Variants in TMEM132D observed in about 807,000 individuals in gnomAD.
TMEM132D encodes the protein transmembrane protein 132D.
TMEM132D carries 21 observed loss-of-function variants against 62.3 expected under a neutral mutation model. The ratio of observed to expected loss-of-function variants is 0.34; its 90% confidence interval spans 0.24 to 0.49. The LOEUF (loss-of-function observed/expected upper bound fraction) is 0.49. Among genes scored for constraint, TMEM132D ranks in the 20% least tolerant of loss-of-function variants. The pLI is 0.99. For missense variants in TMEM132D, 1,346 were observed against 1,402.8 expected, an observed-to-expected ratio of 0.96 and a Z score of 0.65; for synonymous variants, 621 against 575.6, an observed-to-expected ratio of 1.08 and a Z score of -1.13.
intron 4 of TMEM132D, among the ~76,000 whole-genome samples, chr12:129,289,566 A>AAAAAAAAAAAAAAG (rs1566023043): frequency 5.5e-5 from 8 of 144,724 alleles, no homozygotes; most frequent in East Asian, 2.2e-4. Flanking sequence ...AAAAAAAAAG[A>AAAAAAAAAAAAAAG]AAAAAAAGAA....
chr12:129,761,884 G>A (rs1363558729), intron 1 of TMEM132D, among the ~76,000 whole-genome samples: 1 of 152,148 alleles, frequency 6.6e-6, no homozygotes, highest in African/African-American at 2.4e-5. Context: ...CTGACCAGCA[G>A]CAACTGGCAC....
chr12:129,688,892 A>G (rs749993426), intron 2 of TMEM132D, among the ~76,000 whole-genome samples: 5 of 152,222 alleles, frequency 3.3e-5, no homozygotes, highest in Non-Finnish European at 5.9e-5. Context: ...AATTTGCTCT[A>G]TGAATATTTT....
At chr12:129,694,701 C>CT (rs1881153499) in intron 2 of TMEM132D, among the ~76,000 whole-genome samples, 1 of 152,170 alleles carries the variant, frequency 6.6e-6, no homozygotes, top group South Asian at 2.1e-4. Flanking sequence ...CATCACTTTA[C>CT]TTTTTTGGTC....
chr12:129,410,423 G>A (rs1235600284), intron 3 of TMEM132D, among the ~76,000 whole-genome samples: 2 of 152,138 alleles, frequency 1.3e-5, no homozygotes, highest in Non-Finnish European at 2.9e-5. Flanking sequence ...GCAGTGGCAC[G>A]ATCTCAGCTC....
chr12:129,406,324 A>C (rs1566059114), intron 3 of TMEM132D, among the ~76,000 whole-genome samples: 2 of 152,240 alleles, frequency 1.3e-5, no homozygotes, highest in Non-Finnish European at 2.9e-5. Flanking sequence ...TGCAATGTAG[A>C]TAGGAACACA....
intron 2 of TMEM132D, among the ~76,000 whole-genome samples, chr12:129,536,312 G>A (rs1014444304): frequency 2.0e-5 from 3 of 152,218 alleles, no homozygotes; most frequent in South Asian, 2.1e-4. Context: ...TTAATTGATG[G>A]AAACATGCCC....
At chr12:129,544,484 T>A (rs113958231) in intron 2 of TMEM132D, among the ~76,000 whole-genome samples, 1 of 152,226 alleles carries the variant, frequency 6.6e-6, no homozygotes, top group African/African-American at 2.4e-5. Context: ...GTTTTTAGGC[T>A]TATTTTCTTG....
At chr12:129,409,801 G>T (rs140709520) in intron 3 of TMEM132D, among the ~76,000 whole-genome samples, 6 of 152,194 alleles carry the variant, frequency 3.9e-5, no homozygotes, top group African/African-American at 1.4e-4. Context: ...TCCAGGGAGC[G>T]TAAATACCTC....
intron 6 of TMEM132D, 25 bp from the exon 7 acceptor site, chr12:129,082,057 C>T (rs768595415): frequency 1.5e-5 from 24 of 1,577,486 alleles, no homozygotes; most frequent in Admixed American, 5.2e-5. Flanking sequence ...GTGCAGTTTG[C>T]AGACAGTTAC....
At chr12:129,082,155 CA>C in intron 6 of TMEM132D, 123 bp from the exon 7 acceptor site, 1 of 1,212,202 alleles carries the variant, frequency 8.2e-7, no homozygotes. Context: ...AGTTTATAGC[CA>C]GACATGCAGA....
intron 1 of TMEM132D, among the ~76,000 whole-genome samples, chr12:129,838,069 A>C (rs867492965): frequency 3.9e-5 from 6 of 152,200 alleles, no homozygotes; most frequent in African/African-American, 1.4e-4. Flanking sequence ...TTCATGCACC[A>C]ATAAAATTTG....
rs544268551 is a variant in TMEM132D at position 129,245,594 on chromosome 12, C to T, written c.1300-35931G>A. The stretch of plus-strand genomic sequence containing the variant: ...GAATAAAGATTGCTCTCTCCCTTGG[C>T]GGATTTCTGATATCAGCTGAGACAT... On this transcript the variant is annotated intron_variant, in intron 4 of 8. Transcript: ENST00000422113. Among the ~76,000 whole-genome samples, 135 of 151,380 alleles carry T rather than the reference C, an allele frequency of 8.9e-4. 1 individual carries two copies. The highest frequency in any genetic ancestry group is 3.1e-3 in the African/African-American group (128 of 41,172).
At chr12:129,760,043 G>A (rs913464341) in intron 1 of TMEM132D, among the ~76,000 whole-genome samples, 5 of 151,936 alleles carry the variant, frequency 3.3e-5, no homozygotes, top group South Asian at 2.1e-4. Flanking sequence ...AAGTTGGGGC[G>A]ACAGGTGTTT....
chr12:129,765,211 C>A (rs1019897960), intron 1 of TMEM132D, among the ~76,000 whole-genome samples: 3 of 152,158 alleles, frequency 2.0e-5, no homozygotes, highest in Non-Finnish European at 2.9e-5. Flanking sequence ...TCTGTGGAGG[C>A]AATTCTACAA....
intron 4 of TMEM132D, among the ~76,000 whole-genome samples, chr12:129,224,159 T>C (rs562171950): frequency 3.3e-5 from 5 of 152,348 alleles, no homozygotes; most frequent in Middle Eastern, 3.4e-3. Context: ...CTTTTCATTA[T>C]AATACTTTGT....
At chr12:129,461,802 T>C (rs1192025599) in intron 3 of TMEM132D, among the ~76,000 whole-genome samples, 4 of 152,122 alleles carry the variant, frequency 2.6e-5, no homozygotes, top group South Asian at 2.1e-4. Flanking sequence ...AATTAGTAGA[T>C]AGATAATCAG....
intron 3 of TMEM132D, among the ~76,000 whole-genome samples, chr12:129,397,176 C>T (rs1031040119): frequency 2.0e-5 from 3 of 152,204 alleles, no homozygotes; most frequent in Non-Finnish European, 4.4e-5. Context: ...TTCAACAGCT[C>T]ACCTCTCTCA....
At position 129,577,486 on chromosome 12, in the gene TMEM132D, T is replaced by C. The variant is rs182206409; in HGVS notation, c.969-46281A>G. ...TCAACACTGCATCTTTACATTTGTT[T>C]ACATTTCTTTTGACTATAAATGACA... On this transcript the variant is annotated intron_variant, in intron 2 of 8. Coordinates refer to ENST00000422113, the MANE Select transcript of TMEM132D (RefSeq NM_133448.3). Among the ~76,000 whole-genome samples, 205 of 150,948 alleles carry C rather than the reference T, an allele frequency of 1.4e-3. 4 individuals are homozygous for C. Among genetic ancestry groups the C allele is most frequent in the African/African-American group, 4.5e-3 (184 of 41,006 alleles).
At chr12:129,727,811 C>A (rs921540842) in intron 1 of TMEM132D, among the ~76,000 whole-genome samples, 4 of 151,396 alleles carry the variant, frequency 2.6e-5, no homozygotes, top group African/African-American at 9.7e-5. Flanking sequence ...ACCTTAAAAG[C>A]CTTACATATA....
Sources: gnomAD v4.1 joint callset for allele counts (sites outside exome capture counted in the v4.1 genomes callset) on GRCh38, gnomAD v4.1.1 for gene constraint, MANE v1.5 for transcripts, NCBI Gene and HGNC (gene_info 2026-07-23, HGNC 2026-07-21) for gene names.